The following THSD7A variants were observed in gnomAD, a reference collection of about 807,000 sequenced individuals.
THSD7A encodes the protein thrombospondin type 1 domain containing 7A, also known as thrombospondin type-1 domain-containing protein 7A.
A neutral mutation model predicts 231.3 loss-of-function variants in THSD7A; 96 were observed. That is an observed-to-expected ratio of 0.41 (90% CI 0.35 to 0.49). The LOEUF (loss-of-function observed/expected upper bound fraction) is 0.49, where lower values mean the gene tolerates loss of function less well. THSD7A is among the 20% of genes least tolerant of loss of function. The pLI is 0.05. For synonymous variants in THSD7A, 940 were observed against 743.3 expected (o/e 1.26, Z -4.30); for missense variants, 2,290 against 2,070.2 (o/e 1.11, Z -2.06).
intron 2 of THSD7A, among the ~76,000 whole-genome samples, chr7:11,594,996 C>T (rs979728264): frequency 6.6e-6 from 1 of 152,058 alleles, no homozygotes; most frequent in African/African-American, 2.4e-5. Flanking sequence ...TCTTTTTTGC[C>T]AGAAGAAAAA....
intron 11 of THSD7A, among the ~76,000 whole-genome samples, chr7:11,455,491 T>C (rs1785279049): frequency 6.6e-6 from 1 of 152,036 alleles, no homozygotes; most frequent in African/African-American, 2.4e-5. Flanking sequence ...GGATAATTGA[T>C]ATAAAATTCT....
chr7:11,577,688 G>A (rs1649099548), intron 4 of THSD7A, among the ~76,000 whole-genome samples: 2 of 151,286 alleles, frequency 1.3e-5, no homozygotes, highest in South Asian at 4.2e-4. Context: ...AGTTTTCCCA[G>A]GCATAAAGCT....
rs1015289954 is a variant in THSD7A at position 11,532,230 on chromosome 7, G to C, written c.1822+9189C>G. 1.3e-5 allele frequency among the ~76,000 whole-genome samples: 2 copies of C among 152,196 alleles called. 1 individual carries two copies. Among genetic ancestry groups the C allele is most frequent in the African/African-American group, 4.8e-5 (2 of 41,524 alleles). ...GCCAGCTCTTCAGCTAAATACAGCTGCATCAGTGAGACCAGGCAAAGCCAA... is the reference window on the plus strand; with the variant it reads ...GCCAGCTCTTCAGCTAAATACAGCTCCATCAGTGAGACCAGGCAAAGCCAA... On this transcript the variant is annotated intron_variant, in intron 6 of 27. Transcript: ENST00000423059.
rs1485067107 is a variant in THSD7A at position 11,636,961 on chromosome 7, C to A, written c.191G>T (p.Gly64Val). The change falls in exon 2 of 28, where the codon GGT (glycine) becomes GTT (valine). Residue 64 changes from glycine (G) to valine (V), a missense_variant and splice_region_variant. Gly to Val is a moderately radical substitution (Grantham distance 109). Coordinates refer to ENST00000423059, the MANE Select transcript of THSD7A (RefSeq NM_015204.3). This position sits in a 1 kb window ranked among gnomAD's most constrained non-coding sequence, Gnocchi z 10.0. ...ATCTCCCATACATCGGCCCCATGGA[C>A]CTACAAAAATTATAACACAAAAATT... ...EAPTLYLWKTGPWGRCMGDEC... is the reference protein window; with the variant it reads ...EAPTLYLWKTVPWGRCMGDEC... 6.3e-7 allele frequency: 1 copy of A among 1,595,274 alleles called. No individual in the cohort carries two copies. Among genetic ancestry groups the A allele is most frequent in the Admixed American group, 1.7e-5 (1 of 58,276 alleles).
At chr7:11,704,685 G>C (rs1780708373) in intron 1 of THSD7A, among the ~76,000 whole-genome samples, 1 of 150,818 alleles carries the variant, frequency 6.6e-6, no homozygotes, top group African/African-American at 2.4e-5. Flanking sequence ...GGCTAACCTG[G>C]GGTCCACGAA....
intron 6 of THSD7A, among the ~76,000 whole-genome samples, chr7:11,518,055 T>C (rs1044279976): frequency 2.0e-5 from 3 of 152,156 alleles, no homozygotes; most frequent in African/African-American, 4.8e-5. Context: ...GCTTGCTGGA[T>C]GGTTGACCCT....
intron 1 of THSD7A, chr7:11,820,366 C>G (rs1784836864): frequency 8.3e-7 from 1 of 1,202,526 alleles, no homozygotes; most frequent in African/African-American, 1.6e-5. Flanking sequence ...GTTCTCTGTC[C>G]CACTCTTGTC....
At chr7:11,379,393 A>C (rs1782417944) in intron 25 of THSD7A, 113 bp from the exon 26 acceptor site, 13 of 1,020,966 alleles carry the variant, frequency 1.3e-5, no homozygotes, top group Non-Finnish European at 2.9e-6. Flanking sequence ...ATTACTATAC[A>C]TAATTCCTCT....
chr7:11,390,796 T>C (rs770346051), intron 23 of THSD7A, among the ~76,000 whole-genome samples: 6 of 152,198 alleles, frequency 3.9e-5, no homozygotes, highest in Admixed American at 1.3e-4. Context: ...TCCTTTCTTA[T>C]TGATGTTAAT....
Position 11,424,678 on chromosome 7 carries a change from A to G in THSD7A, c.3383+18T>C, listed in dbSNP as rs754831420. The G allele has an allele frequency of 3.1e-5, 50 of 1,613,598 alleles. No homozygotes were observed. Among genetic ancestry groups the G allele is most frequent in the Non-Finnish European group, 4.1e-5 (48 of 1,179,758 alleles). On this transcript the variant is annotated intron_variant, in intron 16 of 27. Transcript: ENST00000423059. ...AGTTTTGTGTCTTGCTTTTCTGTAT[A>G]ATTAGGCTTTGTCTTACCTCACTTT...
chr7:11,409,332 G>A (rs757289291), intron 19 of THSD7A, among the ~76,000 whole-genome samples: 1 of 152,200 alleles, frequency 6.6e-6, no homozygotes, highest in Admixed American at 6.5e-5. Flanking sequence ...GGCACTGAAT[G>A]CAGGGTTGCA....
chr7:11,682,989 G>A (rs1452346576), intron 1 of THSD7A, among the ~76,000 whole-genome samples: 3 of 151,822 alleles, frequency 2.0e-5, no homozygotes, highest in Non-Finnish European at 4.4e-5. Context: ...TGGCACGGTG[G>A]CAGGTGTCCA....
chr7:11,805,301 C>A (rs1784371608), intron 1 of THSD7A, among the ~76,000 whole-genome samples: 1 of 152,062 alleles, frequency 6.6e-6, no homozygotes, highest in African/African-American at 2.4e-5. Context: ...CCATGGCTGT[C>A]AAAATACTAA....
chr7:11,749,102 C>T (rs990656300), intron 1 of THSD7A, among the ~76,000 whole-genome samples: 15 of 151,890 alleles, frequency 9.9e-5, no homozygotes, highest in African/African-American at 2.2e-4. Context: ...ATTTGTGGTC[C>T]GGTCATGAGG....
rs146173463 is a variant in THSD7A, at chr7:11,660,567, T to C, written c.191-23606A>G. Among the ~76,000 whole-genome samples the C allele has an allele frequency of 7.3e-3, 1,102 of 151,476 alleles. 9 individuals carry two copies. The highest frequency in any genetic ancestry group is 0.025 in the African/African-American group (1,040 of 41,460). The stretch of plus-strand genomic sequence containing the variant: ...ATATACAGAAACACATACAAATGTA[T>C]ATATGATAAAAGTGATACATTACAT... On this transcript the variant is annotated intron_variant, in intron 1 of 27. Transcript: ENST00000423059.
At position 11,820,697 on chromosome 7, in the gene THSD7A, T is replaced by C. The variant is rs1177992173; in HGVS notation, c.190+11060A>G. 6 of 925,306 alleles carry C rather than the reference T, an allele frequency of 6.5e-6. No homozygotes were observed. The Admixed American group carries it at 6.9e-5, about 11-fold the overall frequency. 57.3% of individuals were successfully genotyped at this position (925,306 alleles called of 1,614,324 possible). On this transcript the variant is annotated intron_variant, in intron 1 of 27. Transcript: ENST00000423059. The stretch of plus-strand genomic sequence containing the variant: ...GACTTTAGTCCCCAGTCTCGATGTC[T>C]CAAAGCCCGTGGAGCTCTCCTCTCT...
At chr7:11,576,212 T>C (rs1190941071) in intron 4 of THSD7A, among the ~76,000 whole-genome samples, 2 of 151,830 alleles carry the variant, frequency 1.3e-5, no homozygotes. Flanking sequence ...CCTCATCCAT[T>C]TATTCTTAAA....
chr7:11,537,195 T>C (rs986347769), intron 6 of THSD7A, among the ~76,000 whole-genome samples: 2 of 152,176 alleles, frequency 1.3e-5, no homozygotes, highest in African/African-American at 4.8e-5. Flanking sequence ...CCTCATCTTA[T>C]AGGCGGAAAC....
At chr7:11,716,676 A>T (rs1430362761) in intron 1 of THSD7A, among the ~76,000 whole-genome samples, 1 of 151,412 alleles carries the variant, frequency 6.6e-6, no homozygotes, top group East Asian at 2.0e-4. Flanking sequence ...AATTCTTCTT[A>T]TTGCCATTCA....
Sources: allele counts gnomAD v4.1 joint callset (sites outside exome capture counted in the v4.1 genomes callset), GRCh38; gene constraint gnomAD v4.1.1; non-coding constraint Gnocchi (gnomAD v3.1); transcripts MANE v1.5; gene names NCBI Gene and HGNC (gene_info 2026-07-23, HGNC 2026-07-21).